SLX4IP: variants seen among roughly 807,000 people sequenced by gnomAD.
SLX4IP encodes SLX4 interacting protein, also known as protein SLX4IP.
A neutral mutation model predicts 32.9 loss-of-function variants in SLX4IP; 34 were observed. That is an observed-to-expected ratio of 1.03 (90% CI 0.79 to 1.38). The LOEUF is 1.38. SLX4IP is among the 40% of genes most tolerant of loss of function. SLX4IP has a pLI of 0.00. For missense variants in SLX4IP, 444 were observed against 479.0 expected (o/e 0.93, Z 0.68); for synonymous variants, 172 against 171.7 (o/e 1.00, Z -0.01).
At chr20:10,525,509 A>T (rs1422813998) in intron 2 of SLX4IP, among the ~76,000 whole-genome samples, 1 of 152,320 alleles carries the variant, frequency 6.6e-6, no homozygotes, top group East Asian at 1.9e-4. Context: ...TTTACCGCTT[A>T]GCCGAACTAT....
intron 2 of SLX4IP, among the ~76,000 whole-genome samples, chr20:10,484,206 G>A (rs1018370163): frequency 6.6e-6 from 1 of 151,762 alleles, no homozygotes; most frequent in Non-Finnish European, 1.5e-5. Flanking sequence ...GATAAGTAAG[G>A]GAAAGATATT....
intron 4 of SLX4IP, among the ~76,000 whole-genome samples, chr20:10,571,544 C>T (rs142748066): frequency 6.6e-6 from 1 of 152,142 alleles, no homozygotes; most frequent in Non-Finnish European, 1.5e-5. Context: ...CTCCAAGGAG[C>T]CTTATCTGAT....
At chr20:10,443,750 G>A (rs1265881242) in intron 1 of SLX4IP, among the ~76,000 whole-genome samples, 1 of 152,194 alleles carries the variant, frequency 6.6e-6, no homozygotes, top group Non-Finnish European at 1.5e-5. Flanking sequence ...TGGAGGAGGG[G>A]CCTGGTTGAA....
At chr20:10,595,735 T>C (rs937300855) in intron 4 of SLX4IP, among the ~76,000 whole-genome samples, 10 of 152,250 alleles carry the variant, frequency 6.6e-5, no homozygotes, top group African/African-American at 2.4e-4. Context: ...TTTCTCTGTT[T>C]ATAGATCAAA....
chr20:10,451,085 C>T (rs2065237883), intron 1 of SLX4IP, among the ~76,000 whole-genome samples: 1 of 105,542 alleles, frequency 9.5e-6, no homozygotes, highest in Admixed American at 1.0e-4. Context: ...TTTATTTAGT[C>T]CTTTCAATAA....
At chr20:10,607,837 C>T (rs6108644) in intron 6 of SLX4IP, among the ~76,000 whole-genome samples, 1 of 151,928 alleles carries the variant, frequency 6.6e-6, no homozygotes, top group Admixed American at 6.6e-5. Flanking sequence ...TTACAGTAAC[C>T]TGAGTTCTCT....
chr20:10,479,429 T>C (rs1489846345), intron 2 of SLX4IP, among the ~76,000 whole-genome samples: 1 of 148,732 alleles, frequency 6.7e-6, no homozygotes, highest in African/African-American at 2.5e-5. Flanking sequence ...CTCAGCTCAC[T>C]GCAACCTCCG....
intron 2 of SLX4IP, among the ~76,000 whole-genome samples, chr20:10,545,169 T>G (rs990462818): frequency 6.6e-6 from 1 of 152,020 alleles, no homozygotes; most frequent in Non-Finnish European, 1.5e-5. Flanking sequence ...TGGGTAAATA[T>G]CCCTAAGGTC....
chr20:10,494,100 A>T (rs1002996959), intron 2 of SLX4IP, among the ~76,000 whole-genome samples: 23 of 151,442 alleles, frequency 1.5e-4, no homozygotes, highest in Admixed American at 8.5e-4. Flanking sequence ...TCCTGGGATA[A>T]ACTCTGCTTT....
intron 4 of SLX4IP, among the ~76,000 whole-genome samples, chr20:10,569,049 C>T (rs938706692): frequency 1.3e-5 from 2 of 152,092 alleles, no homozygotes; most frequent in Admixed American, 6.5e-5. Context: ...GCACTTGTAA[C>T]GTTATTGAAG....
At chr20:10,500,621 G>A (rs542700749) in intron 2 of SLX4IP, among the ~76,000 whole-genome samples, 2 of 152,114 alleles carry the variant, frequency 1.3e-5, no homozygotes, top group East Asian at 1.9e-4. Flanking sequence ...GCGTGGTGGT[G>A]CACACCTGTA....
At chr20:10,460,369 A>T (rs34397883) in intron 2 of SLX4IP, among the ~76,000 whole-genome samples, 17,473 of 152,276 alleles carry the variant, frequency 0.11, 1,311 homozygotes, top group Non-Finnish European at 0.17. Context: ...TAGGTTGCCT[A>T]GCATCAATTG....
At chr20:10,587,425 C>T (rs1289250992) in intron 4 of SLX4IP, among the ~76,000 whole-genome samples, 1 of 152,022 alleles carries the variant, frequency 6.6e-6, no homozygotes, top group Non-Finnish European at 1.5e-5. Flanking sequence ...CCAGAAGATA[C>T]CTACCAGCAG....
At chr20:10,550,569 C>G (rs1197135861) in intron 2 of SLX4IP, among the ~76,000 whole-genome samples, 2 of 152,088 alleles carry the variant, frequency 1.3e-5, no homozygotes, top group Non-Finnish European at 2.9e-5. Context: ...TGCCTGGCTC[C>G]AGTGATTTCC....
At chr20:10,507,731 TA>T (rs1194568444) in intron 2 of SLX4IP, among the ~76,000 whole-genome samples, 1 of 152,120 alleles carries the variant, frequency 6.6e-6, no homozygotes, top group Non-Finnish European at 1.5e-5. Flanking sequence ...TTTTTTGAGA[TA>T]TTTGGAAAAT....
chr20:10,509,780 C>A (rs1403967303), intron 2 of SLX4IP, among the ~76,000 whole-genome samples: 3 of 152,014 alleles, frequency 2.0e-5, no homozygotes, highest in African/African-American at 7.3e-5. Flanking sequence ...CACTACAAAG[C>A]CCTGGCTCAA....
chr20:10,602,973 T>G (rs2066860926), intron 6 of SLX4IP, among the ~76,000 whole-genome samples: 1 of 152,232 alleles, frequency 6.6e-6, no homozygotes. Flanking sequence ...TCAGTCAAAC[T>G]CTTAAGAATA....
intron 4 of SLX4IP, among the ~76,000 whole-genome samples, chr20:10,581,925 C>T (rs950839298): frequency 6.6e-6 from 1 of 152,050 alleles, no homozygotes; most frequent in South Asian, 2.1e-4. Flanking sequence ...ACATCTTCAC[C>T]CGAAGTGGGA....
chr20:10,591,350 GAAT>G (rs2122537649), intron 4 of SLX4IP, among the ~76,000 whole-genome samples: 1 of 152,332 alleles, frequency 6.6e-6, no homozygotes, highest in Non-Finnish European at 1.5e-5. Flanking sequence ...GGTCCTGTTA[GAAT>G]AGTCCAGTGG....
Sources: gnomAD v4.1 joint callset for allele counts (sites outside exome capture counted in the v4.1 genomes callset) on GRCh38, gnomAD v4.1.1 for gene constraint, MANE v1.5 for transcripts, NCBI Gene and HGNC (gene_info 2026-07-23, HGNC 2026-07-21) for gene names.